PSEN1: variants seen among roughly 807,000 people sequenced by gnomAD.
The protein encoded by PSEN1 is presenilin-1.
In PSEN1, 15 loss-of-function variants were observed where a neutral mutation model predicts 53.5. The observed-to-expected ratio is 0.28, with a 90% CI of 0.19 to 0.43. The LOEUF is 0.43. Ranked by LOEUF, PSEN1 falls within the 20% of genes least tolerant of loss-of-function variation. The pLI is 1.00. For synonymous variants in PSEN1, 208 were observed against 209.8 expected, an observed-to-expected ratio of 0.99 and a Z score of 0.08; for missense variants, 387 against 571.2, an observed-to-expected ratio of 0.68 and a Z score of 3.29.
intron 1 of PSEN1, among the ~76,000 whole-genome samples, chr14:73,137,935 G>A (rs1896793699): frequency 6.6e-6 from 1 of 151,942 alleles, no homozygotes; most frequent in Non-Finnish European, 1.5e-5. Context: ...GGGCGTGGGG[G>A]CGCGCGCCTG....
At chr14:73,175,163 G>A (rs993545273) in intron 5 of PSEN1, among the ~76,000 whole-genome samples, 7 of 151,968 alleles carry the variant, frequency 4.6e-5, no homozygotes, top group African/African-American at 1.5e-4. Context: ...TCTCGCTCTT[G>A]TCCCGCAGGC....
chr14:73,195,071 T>A (rs1898886139), intron 7 of PSEN1, among the ~76,000 whole-genome samples: 1 of 152,228 alleles, frequency 6.6e-6, no homozygotes, highest in Non-Finnish European at 1.5e-5. Flanking sequence ...TGTTGTATAG[T>A]ACTTGATGGT....
At chr14:73,149,753 A>T (rs1376690211) in intron 3 of PSEN1, among the ~76,000 whole-genome samples, 2 of 152,194 alleles carry the variant, frequency 1.3e-5, no homozygotes, top group Non-Finnish European at 2.9e-5. Context: ...ATAATTTTGG[A>T]TCTGACTAAC....
At position 73,222,512 on chromosome 14, in the gene PSEN1, C is replaced by A. The variant is rs1378454379; in HGVS notation, c.*3223C>A. 6.6e-6 allele frequency: 1 copy of A among 152,176 alleles called. No individual in the cohort carries two copies. The highest frequency in any genetic ancestry group is 1.5e-5 in the Non-Finnish European group (1 of 68,032). The allele number at this position is 152,176 out of a possible 1,614,324, so 9.4% of individuals were successfully genotyped here. ...GCGGGAAGCCTTTGATCCCAACCCC[C>A]AAGGCTTTGTATATTTGATCATTTG... On this transcript the variant is annotated 3_prime_UTR_variant, in exon 12 of 12. Transcript: ENST00000324501.
chr14:73,213,763 A>G (rs966742965), intron 10 of PSEN1, among the ~76,000 whole-genome samples: 10 of 152,248 alleles, frequency 6.6e-5, no homozygotes, highest in Non-Finnish European at 1.5e-5. Flanking sequence ...GATACTCAGC[A>G]TCATTAGCCA....
chr14:73,198,859 G>T (rs116061552), intron 8 of PSEN1, among the ~76,000 whole-genome samples: 179 of 152,072 alleles, frequency 1.2e-3, no homozygotes, highest in African/African-American at 4.2e-3. Context: ...CTGCAGCCTC[G>T]ACCTCCCAGG....
Position 73,170,865 on chromosome 14 carries a change from T to C in PSEN1, c.156T>C (p.Asn52=). The change falls in exon 4 of 12, where the codon AAT becomes AAC. Residue 52 remains asparagine (N), a synonymous_variant. Transcript: ENST00000324501. ...RSLGHPEPLS[N]GRPQGNSRQV... ...TTGGCCACCCTGAGCCATTATCTAA[T>C]GGACGACCCCAGGGTAACTCCCGGC... 8 of 1,614,184 alleles carry C rather than the reference T, an allele frequency of 5.0e-6. No homozygotes were observed. The highest frequency in any genetic ancestry group is 6.8e-6 in the Non-Finnish European group (8 of 1,180,012).
chr14:73,209,838 A>C (rs1025797069), intron 9 of PSEN1, among the ~76,000 whole-genome samples: 4 of 152,186 alleles, frequency 2.6e-5, no homozygotes, highest in Admixed American at 2.6e-4. Context: ...AGGCTGGATG[A>C]ACTGCAGGCT....
chr14:73,217,041 T>C (rs1056424025), intron 10 of PSEN1, 85 bp from the exon 11 acceptor site: 1 of 1,380,940 alleles, frequency 7.2e-7, no homozygotes, highest in Non-Finnish European at 1.0e-6. Flanking sequence ...CATTGTGGGG[T>C]TGAGTAGGGC....
At chr14:73,206,497 T>C (rs1899462856) in intron 9 of PSEN1, 25 bp downstream of exon 9, 1 of 1,514,328 alleles carries the variant, frequency 6.6e-7, no homozygotes, top group Non-Finnish European at 9.2e-7. Context: ...TTAGATAATA[T>C]CTTGATTTTT....
rs574123715 is a variant in PSEN1 at position 73,180,685 on chromosome 14, G to A, written c.481-6168G>A. Among the ~76,000 whole-genome samples the A allele has an allele frequency of 7.4e-4, 112 of 152,336 alleles. 1 individual carries two copies. The highest frequency in any genetic ancestry group is 2.5e-3 in the African/African-American group (102 of 41,580). On this transcript the variant is annotated intron_variant, in intron 5 of 11. Coordinates refer to ENST00000324501, the MANE Select transcript of PSEN1 (RefSeq NM_000021.4). ...TGGCCTTGATAGTTTAGGGTTTAGA[G>A]AAGATACTGTTGTGTACTATAAAAC...
intron 7 of PSEN1, among the ~76,000 whole-genome samples, chr14:73,194,552 T>C (rs1004497999): frequency 6.7e-6 from 1 of 149,414 alleles, no homozygotes; most frequent in African/African-American, 2.5e-5. Flanking sequence ...TGAGCCACCA[T>C]GCCTGGCCAT....
intron 1 of PSEN1, among the ~76,000 whole-genome samples, chr14:73,137,807 G>T (rs192095144): frequency 6.6e-6 from 1 of 152,196 alleles, no homozygotes; most frequent in Non-Finnish European, 1.5e-5. Flanking sequence ...TGTGAGGCCC[G>T]GGGCGGTGGC....
intron 11 of PSEN1, 139 bp from the exon 12 acceptor site, chr14:73,218,995 G>A: frequency 1.1e-6 from 1 of 909,600 alleles, no homozygotes. Context: ...CAGATTGAAT[G>A]AACGTCTGTT....
chr14:73,184,657 C>T (rs1190905390), intron 5 of PSEN1, among the ~76,000 whole-genome samples: 1 of 148,422 alleles, frequency 6.7e-6, no homozygotes, highest in African/African-American at 2.5e-5. Context: ...GACCCCCCCA[C>T]CTCCCTCCCG....
Position 73,211,946 on chromosome 14 carries a change from T to A in PSEN1, c.1129+4T>A, listed in dbSNP as rs1378804104. The stretch of plus-strand genomic sequence containing the variant: ...GCTGGTGAAGACCCAGAGGAAAGTA[T>A]GTGCATTTCTCTATGTTGCAAAGTC... On this transcript the variant is annotated splice_donor_region_variant and intron_variant, in intron 10 of 11. Coordinates refer to ENST00000324501, the MANE Select transcript of PSEN1 (RefSeq NM_000021.4). The A allele has an allele frequency of 6.2e-7, 1 of 1,613,800 alleles. No individual in the cohort carries two copies. Among genetic ancestry groups the A allele is most frequent in the South Asian group, 1.1e-5 (1 of 91,058 alleles).
intron 1 of PSEN1, among the ~76,000 whole-genome samples, chr14:73,140,747 G>T (rs143648541): frequency 6.6e-6 from 1 of 152,060 alleles, no homozygotes; most frequent in African/African-American, 2.4e-5. Flanking sequence ...TACAGATAAG[G>T]GATTCTGGAC....
At chr14:73,218,235 C>T (rs1028495325) in intron 11 of PSEN1, among the ~76,000 whole-genome samples, 1 of 151,716 alleles carries the variant, frequency 6.6e-6, no homozygotes, top group Non-Finnish European at 1.5e-5. Context: ...TACATGTGTG[C>T]ACCACCATGC....
intron 3 of PSEN1, among the ~76,000 whole-genome samples, chr14:73,165,378 C>A (rs934080394): frequency 6.6e-6 from 1 of 152,232 alleles, no homozygotes; most frequent in African/African-American, 2.4e-5. Context: ...TCAAACGATT[C>A]TCCTGCGTTA....
Sources: gnomAD v4.1 joint callset for allele counts (sites outside exome capture counted in the v4.1 genomes callset) on GRCh38, gnomAD v4.1.1 for gene constraint, MANE v1.5 for transcripts, NCBI Gene and HGNC (gene_info 2026-07-23, HGNC 2026-07-21) for gene names.